The following TMEM128 variants were observed in gnomAD, a reference collection of about 807,000 sequenced individuals.
The protein encoded by TMEM128 is transmembrane protein 128.
Under a neutral mutation model 19.7 loss-of-function variants are expected in TMEM128, and 16 were observed. The observed-to-expected ratio is 0.81, with a 90% CI of 0.55 to 1.23. TMEM128 has a LOEUF of 1.23. TMEM128 is among the 50% of genes most tolerant of loss of function. The pLI, the probability that TMEM128 is intolerant of heterozygous loss-of-function variation, is 0.00. For missense variants in TMEM128, 237 were observed against 200.8 expected (o/e 1.18, Z -1.09); for synonymous variants, 98 against 75.8 (o/e 1.29, Z -1.52).
At chr4:4,246,102 G>A in intron 2 of TMEM128, 100 bp downstream of exon 2, 1 of 1,244,296 alleles carries the variant, frequency 8.0e-7, no homozygotes, top group Non-Finnish European at 1.1e-6. Context: ...GGGCCTGGCA[G>A]AGAGTAGTAG....
chr4:4,244,345 T>C (rs1179169596), intron 2 of TMEM128, among the ~76,000 whole-genome samples: 2 of 151,956 alleles, frequency 1.3e-5, no homozygotes, highest in South Asian at 2.1e-4. Context: ...GGCATGGTGG[T>C]GTGCGCCTAT....
At chr4:4,241,110 A>G (rs1375611947) in intron 2 of TMEM128, among the ~76,000 whole-genome samples, 2 of 152,154 alleles carry the variant, frequency 1.3e-5, no homozygotes, top group Admixed American at 6.5e-5. Flanking sequence ...AATAAAAACA[A>G]AAATACAAGG....
At chr4:4,245,349 T>A (rs918727801) in intron 2 of TMEM128, among the ~76,000 whole-genome samples, 4 of 152,180 alleles carry the variant, frequency 2.6e-5, no homozygotes, top group Admixed American at 1.3e-4. Context: ...GCCACAAAGC[T>A]GTCACTCCTC....
intron 1 of TMEM128, 123 bp downstream of exon 1, chr4:4,247,983 T>C: frequency 6.9e-7 from 1 of 1,454,398 alleles, no homozygotes; most frequent in Non-Finnish European, 9.0e-7. Context: ...TTCCCTGACA[T>C]TAAATATTCG....
Position 4,240,184 on chromosome 4 carries a change from CAG to C in TMEM128, c.398+135_398+136del, listed in dbSNP as rs1049771959. 7.5e-5 allele frequency: 58 copies of C among 772,434 alleles called. No individual in the cohort carries two copies. The African/African-American group carries it at 1.0e-3, about 13-fold the overall frequency. The allele number at this position is 772,434 out of a possible 1,614,324, so 47.8% of individuals were successfully genotyped here. ...AAAGAGATACTAATCAAAAGGGAAC[CAG>C]AGAGCATGAATGACCAGGAGACTAT... On this transcript the variant is annotated intron_variant, in intron 3 of 4. Coordinates refer to ENST00000382753, the MANE Select transcript of TMEM128 (RefSeq NM_001297551.2).
rs746192800 is a variant in TMEM128, at chr4:4,247,611, C to A, written c.97+495G>T. On this transcript the variant is annotated intron_variant, in intron 1 of 4. Coordinates refer to ENST00000382753, the MANE Select transcript of TMEM128 (RefSeq NM_001297551.2). The stretch of plus-strand genomic sequence containing the variant: ...TACATCACAAGTTACCTGTTTTGTA[C>A]CCAAATGGCGGCATACCATAGTGTT... The A allele has an allele frequency of 5.0e-6, 8 of 1,614,062 alleles. No individual in the cohort carries two copies. In the Middle Eastern group the frequency reaches 6.6e-4, roughly 133 times the overall value.
rs1252703589 is a variant in TMEM128 at position 4,243,858 on chromosome 4, A to G, written c.239+2344T>C. The stretch of plus-strand genomic sequence containing the variant: ...ATGTGTGATCATTTCTTACTCTGCC[A>G]TTTCTCTAAACTACTAAAAATACCC... On this transcript the variant is annotated intron_variant, in intron 2 of 4. Coordinates refer to ENST00000382753, the MANE Select transcript of TMEM128 (RefSeq NM_001297551.2). 2.0e-5 allele frequency among the ~76,000 whole-genome samples: 3 copies of G among 152,100 alleles called. No individual in the cohort carries two copies. The South Asian group carries it at 6.2e-4, about 32-fold the overall frequency.
In TMEM128 at chr4:4,248,161, G is replaced by A; in HGVS notation, c.42C>T (p.Phe14=). 6.5e-7 allele frequency: 1 copy of A among 1,533,636 alleles called. No individual in the cohort carries two copies. Residue 14 remains phenylalanine (F), a synonymous_variant, in exon 1 of 5, where the codon TTC becomes TTT. Transcript: ENST00000382753. ...SRARQQLRRR[F]LLLPDAEAQL... is the part of the protein sequence containing the mutation. ...GGGCCTCGGCGTCCGGCAGGAGGAG[G>A]AATCGCCGCCGGAGCTGCTGCCGGG...
At chr4:4,246,099 G>A in intron 2 of TMEM128, 103 bp downstream of exon 2, 2 of 1,217,636 alleles carry the variant, frequency 1.6e-6, no homozygotes, top group Non-Finnish European at 1.1e-6. Context: ...ACAGGGCCTG[G>A]CAGAGAGTAG....
At chr4:4,245,076 C>A (rs547797228) in intron 2 of TMEM128, among the ~76,000 whole-genome samples, 1 of 152,254 alleles carries the variant, frequency 6.6e-6, no homozygotes, top group African/African-American at 2.4e-5. Flanking sequence ...GAGGGGACCA[C>A]AGTCCTGTCT....
intron 2 of TMEM128, 45 bp from the exon 3 acceptor site, chr4:4,240,524 T>G: frequency 6.4e-7 from 1 of 1,572,112 alleles, no homozygotes; most frequent in Non-Finnish European, 8.6e-7. Context: ...ACTTAATGAA[T>G]CGTCACATAT....
rs368597610 is a variant in TMEM128, at chr4:4,246,108, A to G, written c.239+94T>C. On this transcript the variant is annotated intron_variant, in intron 2 of 4. Coordinates refer to ENST00000382753, the MANE Select transcript of TMEM128 (RefSeq NM_001297551.2). ...TCCAACACAGGGCCTGGCAGAGAGT[A>G]GTAGGTGCTTACTGTTTGAAGAATT... 1.2e-5 allele frequency: 16 copies of G among 1,296,126 alleles called. No homozygotes were observed. The South Asian group carries it at 2.1e-4, about 17-fold the overall frequency. 80.3% of individuals were successfully genotyped at this position (1,296,126 alleles called of 1,614,324 possible).
chr4:4,241,728 T>G (rs969832397), intron 2 of TMEM128, among the ~76,000 whole-genome samples: 2 of 152,166 alleles, frequency 1.3e-5, no homozygotes, highest in Non-Finnish European at 2.9e-5. Context: ...AATCTTAACT[T>G]GAGCAAGACT....
intron 2 of TMEM128, among the ~76,000 whole-genome samples, chr4:4,243,506 C>T (rs1304294944): frequency 5.3e-5 from 8 of 152,192 alleles, no homozygotes; most frequent in Non-Finnish European, 2.9e-5. Context: ...GTCAGAAGAA[C>T]GAGCCATTTT....
At chr4:4,245,705 G>A (rs930879476) in intron 2 of TMEM128, among the ~76,000 whole-genome samples, 2 of 151,854 alleles carry the variant, frequency 1.3e-5, no homozygotes, top group Admixed American at 1.3e-4. Flanking sequence ...AAGTACAATT[G>A]ACAAATTAAA....
chr4:4,248,213 C>T lies in TMEM128; in HGVS notation c.-11G>A. The T allele has an allele frequency of 6.7e-7, 1 of 1,492,700 alleles. No individual in the cohort carries two copies. Among genetic ancestry groups the T allele is most frequent in the Admixed American group, 2.2e-5 (1 of 45,088 alleles). The allele number at this position is 1,492,700 out of a possible 1,614,324, so 92.5% of individuals were successfully genotyped here. A position where few individuals can be genotyped will look rare whatever the true frequency, so the allele number is the denominator to read the frequency against. On this transcript the variant is annotated 5_prime_UTR_variant, in exon 1 of 5. Coordinates refer to ENST00000382753, the MANE Select transcript of TMEM128 (RefSeq NM_001297551.2). ...CCGCGAGGAGTCCATCTTGGTACCG[C>T]CCCGAAATGCGACGGAAGTGACGTC...
rs138483289 is a variant in TMEM128 at position 4,237,930 on chromosome 4, T to C, written c.404A>G (p.Asn135Ser). The change falls in exon 4 of 5, where the codon AAC (asparagine) becomes AGC (serine). Residue 135 changes from asparagine (N) to serine (S), a missense_variant. By Grantham distance (46) the Asn-to-Ser change is conservative. Coordinates refer to ENST00000382753, the MANE Select transcript of TMEM128 (RefSeq NM_001297551.2). The stretch of plus-strand genomic sequence containing the variant: ...CGACCACACATGCCATAAAGCAATG[T>C]TGAAGCTGAAAAGAACAAGACATAA... ...ASFIAAGICFNIALWHVWSFF... is the reference protein window; with the variant it reads ...ASFIAAGICFSIALWHVWSFF... The C allele has an allele frequency of 1.1e-5, 17 of 1,558,496 alleles. No individual in the cohort carries two copies. The highest frequency in any genetic ancestry group is 1.5e-5 in the Non-Finnish European group (17 of 1,150,366).
At chr4:4,246,769 T>C (rs567501602) in intron 1 of TMEM128, among the ~76,000 whole-genome samples, 2 of 151,360 alleles carry the variant, frequency 1.3e-5, no homozygotes, top group South Asian at 2.1e-4. Flanking sequence ...TTTTTTTGAG[T>C]CGGAGTCTTC....
At chr4:4,236,316 A>G (rs1717718673) in intron 4 of TMEM128, 60 bp from the exon 5 acceptor site, 1 of 151,990 alleles carries the variant, frequency 6.6e-6, no homozygotes, top group Non-Finnish European at 1.5e-5. Context: ...ACCAGCATTT[A>G]TGTACCAAGT....
Sources: allele counts gnomAD v4.1 joint callset (sites outside exome capture counted in the v4.1 genomes callset), GRCh38; gene constraint gnomAD v4.1.1; transcripts MANE v1.5; gene names NCBI Gene and HGNC (gene_info 2026-07-23, HGNC 2026-07-21).